PPP6R2: variants seen among roughly 807,000 people sequenced by gnomAD.
PPP6R2 encodes serine/threonine-protein phosphatase 6 regulatory subunit 2.
PPP6R2 carries 62 observed loss-of-function variants against 100.2 expected under a neutral mutation model. The ratio of observed to expected loss-of-function variants is 0.62; its 90% CI spans 0.50 to 0.76. The LOEUF is 0.76. Among genes scored for constraint, PPP6R2 ranks in the 30% least tolerant of loss-of-function variants. The pLI, the probability that PPP6R2 is intolerant of heterozygous loss-of-function variation, is 0.00. For synonymous variants in PPP6R2, 525 were observed against 514.7 expected (o/e 1.02, Z -0.27); for missense variants, 1,142 against 1,276.3 (o/e 0.89, Z 1.60).
At chr22:50,386,536 G>A (rs943099937) in intron 2 of PPP6R2, among the ~76,000 whole-genome samples, 3 of 152,136 alleles carry the variant, frequency 2.0e-5, no homozygotes, top group African/African-American at 7.2e-5. Context: ...GGTACAAACC[G>A]AGCTTCTGCA....
intron 22 of PPP6R2, 136 bp from the exon 23 acceptor site, chr22:50,443,730 A>T (rs2066404917): frequency 1.3e-5 from 16 of 1,265,060 alleles, no homozygotes; most frequent in Non-Finnish European, 1.7e-5. Flanking sequence ...CACCCCACAA[A>T]GGGCAGGAGT....
At chr22:50,338,913 A>G (rs2042335479), upstream of PPP6R2, among the ~76,000 whole-genome samples, 21 of 71,432 alleles carry the variant, frequency 2.9e-4, no homozygotes, top group East Asian at 1.2e-3. Flanking sequence ...TGTGTGTGGT[A>G]GTGTGTGTGG....
intron 2 of PPP6R2, among the ~76,000 whole-genome samples, chr22:50,374,786 C>T (rs947730625): frequency 1.7e-4 from 26 of 151,768 alleles, no homozygotes; most frequent in Admixed American, 3.9e-4. Context: ...TGGTGGTGCG[C>T]GCCTGTATTC....
At chr22:50,382,502 G>T (rs1233482258) in intron 2 of PPP6R2, among the ~76,000 whole-genome samples, 1 of 148,308 alleles carries the variant, frequency 6.7e-6, no homozygotes, top group Non-Finnish European at 1.5e-5. Context: ...CTAGGCAAAA[G>T]GGTGAAAATC....
chr22:50,382,918 A>G (rs1048657206), intron 2 of PPP6R2, among the ~76,000 whole-genome samples: 4 of 151,548 alleles, frequency 2.6e-5, no homozygotes, highest in South Asian at 4.2e-4. Flanking sequence ...GCTCACTGCA[A>G]CCTCTGCCTC....
At chr22:50,373,134 G>T (rs973530370) in intron 2 of PPP6R2, among the ~76,000 whole-genome samples, 4 of 152,138 alleles carry the variant, frequency 2.6e-5, no homozygotes, top group African/African-American at 9.7e-5. Context: ...AAAATGAAAA[G>T]GGGAGGGAAG....
Position 50,438,894 on chromosome 22 carries a change from C to T in PPP6R2, c.2128+132C>T, listed in dbSNP as rs1291922342. ...CACTGTGGCCCGGAGCCTGAATCCC[C>T]AGCTATTTCCCAGCCGTCCTGAGTA... On this transcript the variant is annotated intron_variant, in intron 19 of 23. Transcript: ENST00000612753. 1.5e-5 allele frequency: 15 copies of T among 987,208 alleles called. No homozygotes were observed. The East Asian group carries it at 3.2e-4, about 21-fold the overall frequency. The allele number at this position is 987,208 out of a possible 1,614,324, so 61.2% of individuals were successfully genotyped here.
At chr22:50,352,756 A>C (rs2045607387) in intron 1 of PPP6R2, among the ~76,000 whole-genome samples, 1 of 151,024 alleles carries the variant, frequency 6.6e-6, no homozygotes, top group East Asian at 1.9e-4. Flanking sequence ...AAAAAAACAC[A>C]CAAAACAACA....
chr22:50,443,675 T>G, intron 22 of PPP6R2, 191 bp from the exon 23 acceptor site: 1 of 729,570 alleles, frequency 1.4e-6, no homozygotes, highest in Non-Finnish European at 2.2e-6. Context: ...TCCCAGTACT[T>G]GGAACTTGGG....
At chr22:50,422,643 TGGG>T (rs1218297790) in intron 9 of PPP6R2, among the ~76,000 whole-genome samples, 2 of 152,094 alleles carry the variant, frequency 1.3e-5, no homozygotes, top group African/African-American at 4.8e-5. Flanking sequence ...GCCTCCAAGT[TGGG>T]GGCACCTAGC....
At chr22:50,390,730 G>A (rs2055307048) in intron 2 of PPP6R2, among the ~76,000 whole-genome samples, 2 of 152,136 alleles carry the variant, frequency 1.3e-5, no homozygotes, top group Non-Finnish European at 2.9e-5. Context: ...GCCGGGCGCG[G>A]TCGTTCACAC....
At chr22:50,333,732 G>T in the PPP6R2 span, among the ~76,000 whole-genome samples, 4 of 152,254 alleles carry the variant, frequency 2.6e-5, no homozygotes, top group South Asian at 4.1e-4. Flanking sequence ...ACGAGAGATC[G>T]TAGAAATAAA....
intron 4 of PPP6R2, among the ~76,000 whole-genome samples, chr22:50,407,150 C>T (rs1286308755): frequency 6.6e-6 from 1 of 152,086 alleles, no homozygotes; most frequent in East Asian, 1.9e-4. Context: ...AGTTCAAGAC[C>T]AGCCTGGCCA....
At chr22:50,421,234 A>G (rs531850450) in intron 8 of PPP6R2, among the ~76,000 whole-genome samples, 1 of 152,382 alleles carries the variant, frequency 6.6e-6, no homozygotes, top group Non-Finnish European at 1.5e-5. Flanking sequence ...AACCCAGGAA[A>G]GCTGAGCCAC....
rs191385533 is a variant in PPP6R2, at chr22:50,381,388, T to C, written c.-17+9238T>C. 1.3e-3 allele frequency among the ~76,000 whole-genome samples: 45 copies of C among 35,284 alleles called. 1 individual carries two copies. The highest frequency in any genetic ancestry group is 1.9e-3 in the African/African-American group (12 of 6,188). 23.1% of individuals were successfully genotyped at this position (35,284 alleles called of 152,430 possible). ...GCACCACACGGGCCCCACCTCAGCATCACACGGGCCCCACCTCAGCACCAC... is the reference window on the plus strand; with the variant it reads ...GCACCACACGGGCCCCACCTCAGCACCACACGGGCCCCACCTCAGCACCAC... On this transcript the variant is annotated intron_variant, in intron 2 of 23. Transcript: ENST00000612753.
At chr22:50,428,641 T>G (rs1289795427) in intron 10 of PPP6R2, among the ~76,000 whole-genome samples, 1 of 152,014 alleles carries the variant, frequency 6.6e-6, no homozygotes, top group Admixed American at 6.6e-5. Flanking sequence ...CACTTGAGTC[T>G]GGGAGGTCAG....
intron 3 of PPP6R2, among the ~76,000 whole-genome samples, chr22:50,397,617 AG>A (rs66874814): frequency 0.036 from 1,336 of 37,372 alleles, 8 homozygotes; most frequent in African/African-American, 0.077. Context: ...GGATGGGGGC[AG>A]GGGGGCCTGT....
At chr22:50,441,210 T>G in intron 22 of PPP6R2, 184 bp downstream of exon 22, 1 of 594,678 alleles carries the variant, frequency 1.7e-6, no homozygotes, top group Non-Finnish European at 3.0e-6. Context: ...CCCACGCGTT[T>G]ACGTGGAGGC....
intron 1 of PPP6R2, among the ~76,000 whole-genome samples, chr22:50,370,577 A>T (rs79496165): frequency 1.3e-5 from 2 of 149,976 alleles, no homozygotes; most frequent in Non-Finnish European, 1.5e-5. Flanking sequence ...GTGAGCCACC[A>T]CGCCTGGCCA....
Sources: allele counts gnomAD v4.1 joint callset (sites outside exome capture counted in the v4.1 genomes callset), GRCh38; gene constraint gnomAD v4.1.1; transcripts MANE v1.5; gene names NCBI Gene and HGNC (gene_info 2026-07-23, HGNC 2026-07-21).